SNAPC1: variants seen among roughly 807,000 people sequenced by gnomAD.
SNAPC1 encodes snRNA-activating protein complex subunit 1.
SNAPC1 carries 42 observed loss-of-function variants against 50.1 expected under a neutral mutation model. The observed-to-expected ratio is 0.84, with a 90% CI of 0.65 to 1.08. The LOEUF (loss-of-function observed/expected upper bound fraction) is 1.08, where lower values mean the gene tolerates loss of function less well. SNAPC1 is among the 50% of genes least tolerant of loss of function. The pLI is 0.00. For synonymous variants in SNAPC1, 164 were observed against 144.2 expected, an observed-to-expected ratio of 1.14 and a Z score of -0.98; for missense variants, 477 against 427.3, an observed-to-expected ratio of 1.12 and a Z score of -1.02.
chr14:61,763,434 A>C (rs563199830), intron 1 of SNAPC1, among the ~76,000 whole-genome samples: 89 of 148,706 alleles, frequency 6.0e-4, no homozygotes, highest in Non-Finnish European at 8.7e-4. Flanking sequence ...CTATCTCTCC[A>C]GCTTCGCCTG....
chr14:61,778,218 T>G, intron 6 of SNAPC1, 78 bp downstream of exon 6: 1 of 756,008 alleles, frequency 1.3e-6, no homozygotes, highest in Non-Finnish European at 2.1e-6. Context: ...GTCAGTATTA[T>G]AAGACATATA....
rs570186049 is a variant in SNAPC1, at chr14:61,790,121, G to A, written c.977-2686G>A. Among the ~76,000 whole-genome samples, 111 of 152,250 alleles carry A rather than the reference G, an allele frequency of 7.3e-4. 4 individuals carry two copies. The South Asian group carries it at 0.022, about 31-fold the overall frequency. ...ACAATGACACAATAAAGATTTCATT[G>A]GGGGGAGAATTCGCTCCAGTCCGCC... On this transcript the variant is annotated intron_variant, in intron 8 of 9. Transcript: ENST00000216294.
chr14:61,790,012 T>TA (rs537864171), intron 8 of SNAPC1, among the ~76,000 whole-genome samples: 42 of 152,202 alleles, frequency 2.8e-4, no homozygotes, highest in African/African-American at 1.0e-3. Context: ...TAAGAGCAAA[T>TA]ACGGAGACTA....
chr14:61,792,857 C>T lies in SNAPC1; in HGVS notation c.1027C>T (p.Pro343Ser), dbSNP rs2045162681. 2.5e-6 allele frequency: 4 copies of T among 1,604,760 alleles called. No homozygotes were observed. The highest frequency in any genetic ancestry group is 3.4e-6 in the Non-Finnish European group (4 of 1,174,376). ...AGATAAACCTTTAAGTCTGAGTATG[C>T]CTGTAATTACAGAAGAAGAAGAGAA... The part of the protein sequence containing the change: ...KEDKPLSLSM[P>S]VITEEEENES... Residue 343 changes from proline to serine, a missense_variant, in exon 9 of 10, where the codon CCT becomes TCT. By Grantham distance (74) the Pro-to-Ser change is moderately conservative. Transcript: ENST00000216294.
At chr14:61,783,538 T>G (rs1037940759) in intron 8 of SNAPC1, among the ~76,000 whole-genome samples, 4 of 145,342 alleles carry the variant, frequency 2.8e-5, no homozygotes, top group African/African-American at 1.0e-4. Context: ...GTTTTTTTTT[T>G]TTTTTTTTTT....
intron 4 of SNAPC1, among the ~76,000 whole-genome samples, chr14:61,770,752 A>T (rs1185987273): frequency 2.6e-5 from 4 of 150,950 alleles, no homozygotes; most frequent in Non-Finnish European, 5.9e-5. Context: ...TTTTTTTTTG[A>T]GATAGATTCT....
At chr14:61,775,375 C>A (rs1280817950) in intron 4 of SNAPC1, among the ~76,000 whole-genome samples, 1 of 152,030 alleles carries the variant, frequency 6.6e-6, no homozygotes, top group African/African-American at 2.4e-5. Flanking sequence ...CCTACCTCAG[C>A]CTCCCAGGTA....
rs1156814976 is a variant in SNAPC1, at chr14:61,783,184, A to G, written c.976+787A>G. 4.0e-5 allele frequency among the ~76,000 whole-genome samples: 6 copies of G among 148,434 alleles called. No homozygotes were observed. In the South Asian group the frequency reaches 1.3e-3, roughly 32 times the overall value. The stretch of plus-strand genomic sequence containing the variant: ...ACTACAGGCACCTGCCACCATACCC[A>G]GCTAATTTTTTTTTGTATTTTTTTT... On this transcript the variant is annotated intron_variant, in intron 8 of 9. Coordinates refer to ENST00000216294, the MANE Select transcript of SNAPC1 (RefSeq NM_003082.4).
At chr14:61,788,616 ATAAAT>A (rs1566593462) in intron 8 of SNAPC1, among the ~76,000 whole-genome samples, 1 of 152,208 alleles carries the variant, frequency 6.6e-6, no homozygotes, top group African/African-American at 2.4e-5. Context: ...TTAAAGATAT[ATAAAT>A]TAAAACATGA....
intron 8 of SNAPC1, among the ~76,000 whole-genome samples, chr14:61,784,815 G>A (rs898715964): frequency 6.6e-6 from 1 of 152,146 alleles, no homozygotes; most frequent in African/African-American, 2.4e-5. Context: ...AAGTATCACA[G>A]TTTTATTTAA....
chr14:61,776,064 A>G, intron 4 of SNAPC1, 31 bp from the exon 5 acceptor site: 1 of 1,540,068 alleles, frequency 6.5e-7, no homozygotes, highest in South Asian at 1.2e-5. Context: ...CAAAAAGTGA[A>G]GAAATAAAGG....
chr14:61,785,811 A>G (rs1040119345), intron 8 of SNAPC1, among the ~76,000 whole-genome samples: 5 of 152,220 alleles, frequency 3.3e-5, no homozygotes, highest in Admixed American at 6.5e-5. Context: ...GCATTTTCAC[A>G]TAAGCAATAG....
In SNAPC1 at chr14:61,766,941, ATTT is replaced by A. The variant is rs753183177; in HGVS notation, c.198_200del (p.Phe66del). On this transcript the variant is annotated inframe_deletion, in exon 2 of 10. Transcript: ENST00000216294. ...GAAGCTTTAGCTTTGGCTTGGCGATATTTTTTACCTCCATACACCTTCCAGATC... is the reference window on the plus strand; with the variant it reads ...GAAGCTTTAGCTTTGGCTTGGCGATATTTACCTCCATACACCTTCCAGATC... 3 of 1,611,242 alleles carry A rather than the reference ATTT, an allele frequency of 1.9e-6. No homozygotes were observed. Among genetic ancestry groups the A allele is most frequent in the Non-Finnish European group, 2.5e-6 (3 of 1,177,544 alleles).
At chr14:61,781,893 C>T (rs1323235709) in intron 7 of SNAPC1, among the ~76,000 whole-genome samples, 3 of 152,182 alleles carry the variant, frequency 2.0e-5, no homozygotes, top group Non-Finnish European at 4.4e-5. Context: ...TGGAGCCAAG[C>T]GTGAAGTACT....
At chr14:61,778,521 G>C (rs1350534887) in intron 6 of SNAPC1, among the ~76,000 whole-genome samples, 1 of 152,222 alleles carries the variant, frequency 6.6e-6, no homozygotes, top group Admixed American at 6.5e-5. Flanking sequence ...GAGACAAGGA[G>C]CCATCTTTGA....
intron 8 of SNAPC1, among the ~76,000 whole-genome samples, chr14:61,790,438 C>T (rs1033364438): frequency 2.0e-5 from 3 of 152,118 alleles, no homozygotes; most frequent in Non-Finnish European, 4.4e-5. Context: ...TGGGTTCAAG[C>T]GATTCTTCTG....
chr14:61,789,045 A>G (rs2045134047), intron 8 of SNAPC1, among the ~76,000 whole-genome samples: 3 of 152,166 alleles, frequency 2.0e-5, no homozygotes, highest in Admixed American at 2.0e-4. Context: ...AGCCTGGCCA[A>G]TATGGTGAAA....
intron 8 of SNAPC1, among the ~76,000 whole-genome samples, chr14:61,792,185 C>T (rs1343572420): frequency 6.6e-6 from 1 of 151,350 alleles, no homozygotes; most frequent in Non-Finnish European, 1.5e-5. Flanking sequence ...AAAAAATAGT[C>T]ACTGTTTATG....
At chr14:61,786,054 T>C (rs1041637365) in intron 8 of SNAPC1, among the ~76,000 whole-genome samples, 2 of 152,152 alleles carry the variant, frequency 1.3e-5, no homozygotes, top group African/African-American at 4.8e-5. Flanking sequence ...CTAGATTCTT[T>C]CAGAAAATGC....
Sources: allele counts gnomAD v4.1 joint callset (sites outside exome capture counted in the v4.1 genomes callset), GRCh38; gene constraint gnomAD v4.1.1; transcripts MANE v1.5; gene names NCBI Gene and HGNC (gene_info 2026-07-23, HGNC 2026-07-21).